RORA: variants seen among roughly 807,000 people sequenced by gnomAD.
RORA encodes RAR related orphan receptor A.
A neutral mutation model predicts 69.5 loss-of-function variants in RORA; 7 were observed. The observed-to-expected ratio is 0.10, with a 90% CI of 0.06 to 0.19. The LOEUF (loss-of-function observed/expected upper bound fraction) is 0.19. RORA is among the 10% of genes least tolerant of loss of function. The pLI is 1.00. For missense variants in RORA, 457 were observed against 663.0 expected (o/e 0.69, Z 3.41); for synonymous variants, 261 against 240.8 (o/e 1.08, Z -0.78).
intron 1 of RORA, among the ~76,000 whole-genome samples, chr15:61,050,002 G>A (rs934840911): frequency 6.6e-6 from 1 of 152,130 alleles, no homozygotes; most frequent in Non-Finnish European, 1.5e-5. Context: ...CTTTTAATAT[G>A]GTAATGAGTG....
At chr15:60,818,979 G>A in intron 1 of RORA, among the ~76,000 whole-genome samples, 1 of 152,224 alleles carries the variant, frequency 6.6e-6, no homozygotes, top group Admixed American at 6.5e-5. Flanking sequence ...CTACACCACT[G>A]TTTGCCTATC....
intron 1 of RORA, among the ~76,000 whole-genome samples, chr15:60,945,422 C>T (rs948712983): frequency 6.6e-6 from 1 of 152,172 alleles, no homozygotes; most frequent in Non-Finnish European, 1.5e-5. Flanking sequence ...CTTGCATGAG[C>T]TCCCGTCAGG....
chr15:60,639,219 A>ATTTTTT (rs71122868), intron 2 of RORA, among the ~76,000 whole-genome samples: 3 of 131,336 alleles, frequency 2.3e-5, no homozygotes, highest in South Asian at 2.5e-4. Context: ...AGGTTTTTGT[A>ATTTTTT]TTTTTTTTTT....
intron 1 of RORA, among the ~76,000 whole-genome samples, chr15:60,837,896 G>A (rs557548378): frequency 2.0e-5 from 3 of 152,348 alleles, no homozygotes; most frequent in African/African-American, 7.2e-5. Flanking sequence ...GGTACAGCCT[G>A]AAGGACAAGA....
At chr15:61,207,082 GTA>G (rs34576706) in intron 1 of RORA, among the ~76,000 whole-genome samples, 7 of 151,604 alleles carry the variant, frequency 4.6e-5, no homozygotes, top group African/African-American at 1.5e-4. Context: ...ATACGTGTGT[GTA>G]TATATATATA....
At chr15:60,533,303 G>A (rs766002870) in intron 2 of RORA, among the ~76,000 whole-genome samples, 3 of 152,078 alleles carry the variant, frequency 2.0e-5, no homozygotes, top group Non-Finnish European at 2.9e-5. Flanking sequence ...CTCACATCCA[G>A]TGTATTTTCT....
chr15:60,734,262 C>G (rs1228727106), intron 1 of RORA, among the ~76,000 whole-genome samples: 1 of 152,152 alleles, frequency 6.6e-6, no homozygotes, highest in Non-Finnish European at 1.5e-5. Flanking sequence ...CTGAGTCTCT[C>G]CCCAGTCCTA....
rs182623315 is a variant in RORA at position 60,678,176 on chromosome 15, G to C, written c.196+481C>G. 2.8e-3 allele frequency: 436 copies of C among 153,228 alleles called. 2 individuals are homozygous for C. Among genetic ancestry groups the C allele is most frequent in the Non-Finnish European group, 4.9e-3 (335 of 68,684 alleles). 9.5% of individuals were successfully genotyped at this position (153,228 alleles called of 1,614,324 possible). On this transcript the variant is annotated intron_variant, in intron 2 of 10. Transcript: ENST00000335670. Reference sequence around the variant, plus strand: ...GATGCCATTTATCAGGGCCCTCGCAGGCCATGCCCGTGGTCGAGCGACAGC... The same window carrying C: ...GATGCCATTTATCAGGGCCCTCGCACGCCATGCCCGTGGTCGAGCGACAGC...
intron 1 of RORA, among the ~76,000 whole-genome samples, chr15:61,188,167 C>G (rs1012308218): frequency 1.3e-5 from 2 of 152,194 alleles, no homozygotes; most frequent in Non-Finnish European, 2.9e-5. Context: ...CGACACACCT[C>G]AGGGCCACCT....
At chr15:60,567,514 G>A (rs2067751802) in intron 2 of RORA, among the ~76,000 whole-genome samples, 1 of 151,682 alleles carries the variant, frequency 6.6e-6, no homozygotes, top group Admixed American at 6.6e-5. Context: ...AGGTTCAAGT[G>A]ATTCTCCTGC....
intron 2 of RORA, among the ~76,000 whole-genome samples, chr15:60,605,535 G>T (rs1022469416): frequency 2.0e-5 from 3 of 152,068 alleles, no homozygotes; most frequent in African/African-American, 7.2e-5. Context: ...AATGCATAAG[G>T]TTACTTCACT....
intron 1 of RORA, among the ~76,000 whole-genome samples, chr15:60,800,043 A>G (rs1265605997): frequency 6.6e-6 from 1 of 152,208 alleles, no homozygotes; most frequent in Non-Finnish European, 1.5e-5. Context: ...GCCATGTGCT[A>G]CACCAAGTCT....
rs375782514 is a variant in RORA at position 60,638,386 on chromosome 15, C to CTT, written c.196+40269_196+40270dup. ...TCCTTATTTAACTGTATTTTCTTTT[C>CTT]TTTTTTTTTTTTTTTTGTCAAATGG... On this transcript the variant is annotated intron_variant, in intron 2 of 10. Transcript: ENST00000335670. 1.7e-3 allele frequency among the ~76,000 whole-genome samples: 196 copies of CTT among 117,908 alleles called. 2 individuals carry two copies. The highest frequency in any genetic ancestry group is 4.5e-3 in the African/African-American group (143 of 31,760). 77.4% of individuals were successfully genotyped at this position (117,908 alleles called of 152,430 possible). A position where few individuals can be genotyped will look rare whatever the true frequency, so the allele number is the denominator to read the frequency against.
At chr15:61,222,808 T>A (rs542393763) in intron 1 of RORA, among the ~76,000 whole-genome samples, 1 of 152,192 alleles carries the variant, frequency 6.6e-6, no homozygotes, top group Non-Finnish European at 1.5e-5. Context: ...AAATGTTCTT[T>A]GTTGACATTC....
rs1567047273 is a variant in RORA at position 60,511,923 on chromosome 15, C to T, written c.425-302G>A. On this transcript the variant is annotated intron_variant, in intron 4 of 10. Transcript: ENST00000335670. The surrounding 1 kb of genome is among the most constrained non-coding windows in gnomAD (Gnocchi z 6.4). ...GCTGTCACATCCCCCGTTTCCACTG[C>T]GCCCCACTGATAACTTAATGGGCTT... The T allele has an allele frequency of 9.5e-6, 3 of 316,968 alleles. No homozygotes were observed. Among genetic ancestry groups the T allele is most frequent in the East Asian group, 7.7e-5 (1 of 13,046 alleles). 19.6% of individuals were successfully genotyped at this position (316,968 alleles called of 1,614,324 possible).
chr15:60,512,036 G>A (rs1388645748), intron 4 of RORA: 1 of 177,718 alleles, frequency 5.6e-6, no homozygotes, highest in African/African-American at 2.4e-5. Context: ...GACTCACAGG[G>A]TTCATCAAGG....
intron 2 of RORA, among the ~76,000 whole-genome samples, chr15:60,545,784 T>C (rs938245257): frequency 2.0e-5 from 3 of 152,254 alleles, no homozygotes; most frequent in African/African-American, 7.2e-5. Flanking sequence ...TCTTTGGGCA[T>C]AATTTTACAA....
At chr15:60,963,222 G>C (rs906699170) in intron 1 of RORA, among the ~76,000 whole-genome samples, 2 of 152,216 alleles carry the variant, frequency 1.3e-5, no homozygotes, top group Admixed American at 6.5e-5. Context: ...ATAGCCAATG[G>C]GTAAGATCAG....
chr15:61,217,584 T>A (rs1227624200), intron 1 of RORA, among the ~76,000 whole-genome samples: 1 of 152,178 alleles, frequency 6.6e-6, no homozygotes, highest in Non-Finnish European at 1.5e-5. Flanking sequence ...GGTATTTCAG[T>A]GAGCTTCTTA....
Sources: allele counts gnomAD v4.1 joint callset (sites outside exome capture counted in the v4.1 genomes callset), GRCh38; gene constraint gnomAD v4.1.1; non-coding constraint Gnocchi (gnomAD v3.1); transcripts MANE v1.5; gene names NCBI Gene and HGNC (gene_info 2026-07-23, HGNC 2026-07-21).